The following UTRN variants were observed in gnomAD, a reference collection of about 807,000 sequenced individuals.
UTRN encodes dystrophin-related protein 1.
A neutral mutation model predicts 463.9 loss-of-function variants in UTRN; 283 were observed. That is an observed-to-expected ratio of 0.61 (90% confidence interval 0.55 to 0.67). UTRN has a LOEUF of 0.67. Among genes scored for constraint, UTRN ranks in the 30% least tolerant of loss-of-function variants. UTRN has a pLI of 0.00. For synonymous variants in UTRN, 1,442 were observed against 1,431.5 expected (o/e 1.01, Z -0.17); for missense variants, 3,922 against 4,084.3 (o/e 0.96, Z 1.08).
intron 52 of UTRN, among the ~76,000 whole-genome samples, chr6:144,699,448 A>AAT (rs146754715): frequency 0.081 from 11,068 of 137,354 alleles, 718 homozygotes; most frequent in Admixed American, 0.16. Flanking sequence ...TCAAAAAAAA[A>AAT]AATAATAATA....
chr6:144,716,383 G>A (rs972110481), intron 53 of UTRN, among the ~76,000 whole-genome samples: 1 of 152,020 alleles, frequency 6.6e-6, no homozygotes, highest in Admixed American at 6.5e-5. Context: ...AACATGTGGA[G>A]TCTCTCATTC....
chr6:144,399,508 A>G (rs1782746435), intron 2 of UTRN, among the ~76,000 whole-genome samples: 1 of 152,188 alleles, frequency 6.6e-6, no homozygotes, highest in Admixed American at 6.5e-5. Context: ...AAAATCATCC[A>G]ATAAGAGATT....
At chr6:144,421,668 G>C (rs1158572582) in intron 3 of UTRN, among the ~76,000 whole-genome samples, 1 of 151,384 alleles carries the variant, frequency 6.6e-6, no homozygotes, top group Admixed American at 6.6e-5. Flanking sequence ...CAGCCTGGGC[G>C]ACAGAGTGAG....
At chr6:144,477,904 T>C (rs953300225) in intron 25 of UTRN, among the ~76,000 whole-genome samples, 1 of 151,758 alleles carries the variant, frequency 6.6e-6, no homozygotes, top group African/African-American at 2.4e-5. Flanking sequence ...TCTATCTATC[T>C]ATCTATCCAT....
At position 144,448,630 on chromosome 6, in the gene UTRN, T is replaced by A; in HGVS notation, c.1933T>A (p.Ser645Thr). The A allele has an allele frequency of 6.2e-7, 1 of 1,613,986 alleles. No homozygotes were observed. The change falls in exon 17 of 75, where the codon TCT becomes ACT. Residue 645 changes from serine (S) to threonine (T), a missense_variant. By Grantham distance (58) the Ser-to-Thr change is moderately conservative. Around this residue, in one of 3 missense-constraint regions of UTRN, gnomAD observed 2,349 missense variants for 2,303.8 expected, o/e 1.02. Transcript: ENST00000367545. ...TCAGGCTGTAGCAAAGCTGGGGATG[T>A]CTCAGATTCCTCAGAAGGACCTTTT... ...VTQAVAKLGM[S>T]QIPQKDLLET...
chr6:144,801,035 A>G (rs1377478504), intron 64 of UTRN, among the ~76,000 whole-genome samples: 1 of 152,216 alleles, frequency 6.6e-6, no homozygotes, highest in Non-Finnish European at 1.5e-5. Context: ...AGGAAAATAC[A>G]TAGGCGAATA....
chr6:144,604,455 A>G (rs1162424299), intron 51 of UTRN, among the ~76,000 whole-genome samples: 6 of 152,220 alleles, frequency 3.9e-5, no homozygotes, highest in Admixed American at 1.3e-4. Flanking sequence ...TTAGACTAAT[A>G]TAATTTGTTT....
At position 144,421,912 on chromosome 6, in the gene UTRN, A is replaced by C; in HGVS notation, c.176A>C (p.Asp59Ala). ...CCACCCATCAATGATATGTTCACAG[A>C]CCTCAAAGATGGAAGGAAGCTATTG... ...GKPPINDMFTDLKDGRKLLDL... is the reference protein window; with the variant it reads ...GKPPINDMFTALKDGRKLLDL... The change falls in exon 4 of 75, where the codon GAC becomes GCC. Residue 59 changes from aspartate (D) to alanine (A), a missense_variant. Physicochemically the swap from Asp to Ala is moderately radical, Grantham distance 126. Transcript: ENST00000367545. 6.2e-7 allele frequency: 1 copy of C among 1,613,136 alleles called. No individual in the cohort carries two copies. Among genetic ancestry groups the C allele is most frequent in the Non-Finnish European group, 8.5e-7 (1 of 1,179,572 alleles).
chr6:144,548,560 C>T (rs1402489450), intron 46 of UTRN, 80 bp from the exon 47 acceptor site: 3 of 1,321,410 alleles, frequency 2.3e-6, no homozygotes, highest in Non-Finnish European at 3.1e-6. Context: ...TTTAAATACA[C>T]ATACACGTGT....
intron 51 of UTRN, among the ~76,000 whole-genome samples, chr6:144,598,244 C>T (rs968940749): frequency 2.6e-5 from 4 of 152,128 alleles, no homozygotes; most frequent in African/African-American, 4.8e-5. Context: ...TCCATCAATA[C>T]GTGTAAGATG....
chr6:144,743,153 G>C (rs1790290497), intron 54 of UTRN, among the ~76,000 whole-genome samples: 2 of 152,132 alleles, frequency 1.3e-5, no homozygotes, highest in Non-Finnish European at 2.9e-5. Flanking sequence ...ATATACTGAG[G>C]ACATACCAAT....
chr6:144,602,899 A>G (rs1358696605), intron 51 of UTRN, among the ~76,000 whole-genome samples: 1 of 152,220 alleles, frequency 6.6e-6, no homozygotes, highest in African/African-American at 2.4e-5. Flanking sequence ...TGCACACTTA[A>G]TAGAGTAGTT....
chr6:144,663,787 A>C (rs1780116915), intron 51 of UTRN, among the ~76,000 whole-genome samples: 2 of 152,168 alleles, frequency 1.3e-5, no homozygotes, highest in African/African-American at 4.8e-5. Context: ...TATGGCATTT[A>C]CCTCCTTTCA....
intron 51 of UTRN, among the ~76,000 whole-genome samples, chr6:144,668,337 T>C (rs982902004): frequency 2.6e-5 from 4 of 152,158 alleles, no homozygotes; most frequent in Non-Finnish European, 5.9e-5. Context: ...CCTGGATTCT[T>C]GGTAGAATGC....
At chr6:144,502,472 A>G (rs1056139923) in intron 34 of UTRN, among the ~76,000 whole-genome samples, 5 of 150,976 alleles carry the variant, frequency 3.3e-5, no homozygotes, top group African/African-American at 1.2e-4. Flanking sequence ...ATGTGTTCTC[A>G]TTGTTCAATT....
intron 54 of UTRN, among the ~76,000 whole-genome samples, chr6:144,737,972 A>G (rs1004650413): frequency 2.0e-5 from 3 of 152,122 alleles, no homozygotes; most frequent in African/African-American, 7.2e-5. Flanking sequence ...AGTTGAGCCG[A>G]TCATACAGTA....
At position 144,369,657 on chromosome 6, in the gene UTRN, A is replaced by G. The variant is rs551986063; in HGVS notation, c.80-33466A>G. ...AGAAAACAAATTACACCCTACTCCT[A>G]GTGGGGAACCCTCTGATATGGTTTG... On this transcript the variant is annotated intron_variant, in intron 2 of 74. Transcript: ENST00000367545. 1.8e-3 allele frequency among the ~76,000 whole-genome samples: 277 copies of G among 152,318 alleles called. 2 individuals carry two copies. Among genetic ancestry groups the G allele is most frequent in the Non-Finnish European group, 2.6e-3 (180 of 68,020 alleles).
At chr6:144,606,410 A>G (rs1446904430) in intron 51 of UTRN, among the ~76,000 whole-genome samples, 1 of 152,242 alleles carries the variant, frequency 6.6e-6, no homozygotes, top group Non-Finnish European at 1.5e-5. Flanking sequence ...AGCACAGGAA[A>G]AAGCAATCAT....
chr6:144,841,283 A>C (rs1422865719), intron 73 of UTRN, among the ~76,000 whole-genome samples: 1 of 152,202 alleles, frequency 6.6e-6, no homozygotes, highest in African/African-American at 2.4e-5. Context: ...CCAGTGCAGA[A>C]AGGGATTGTT....
Sources: allele counts gnomAD v4.1 joint callset (sites outside exome capture counted in the v4.1 genomes callset), GRCh38; gene constraint gnomAD v4.1.1; regional missense constraint gnomAD v4.1.1; transcripts MANE v1.5; gene names NCBI Gene and HGNC (gene_info 2026-07-23, HGNC 2026-07-21).